PPP1R14C: variants seen among roughly 807,000 people sequenced by gnomAD.
PPP1R14C encodes the protein protein phosphatase 1 regulatory subunit 14C.
A neutral mutation model predicts 20.4 loss-of-function variants in PPP1R14C; 16 were observed. That is an observed-to-expected ratio of 0.78 (90% CI 0.53 to 1.19). The LOEUF is 1.19. Among genes scored for constraint, PPP1R14C ranks in the 50% most tolerant of loss-of-function variants. The pLI, the probability that PPP1R14C is intolerant of heterozygous loss-of-function variation, is 0.00. For missense variants in PPP1R14C, 211 were observed against 220.1 expected (o/e 0.96, Z 0.26); for synonymous variants, 91 against 91.0 (o/e 1.00, Z 0.00).
chr6:150,188,017 A>T (rs990215177), intron 1 of PPP1R14C, among the ~76,000 whole-genome samples: 83 of 152,182 alleles, frequency 5.5e-4, no homozygotes, highest in African/African-American at 2.0e-3. Context: ...TTTCACTCAC[A>T]CAGAAGACTC....
chr6:150,235,238 AC>A (rs1778346732), intron 3 of PPP1R14C, among the ~76,000 whole-genome samples: 1 of 152,120 alleles, frequency 6.6e-6, no homozygotes, highest in African/African-American at 2.4e-5. Context: ...ATAGGTGCGC[AC>A]CACCACACCC....
intron 3 of PPP1R14C, among the ~76,000 whole-genome samples, chr6:150,237,362 C>G (rs1778374872): frequency 6.6e-6 from 1 of 152,116 alleles, no homozygotes; most frequent in African/African-American, 2.4e-5. Context: ...TGCCACCATG[C>G]CCTGCTAATT....
At chr6:150,212,712 G>C (rs998314964) in intron 1 of PPP1R14C, among the ~76,000 whole-genome samples, 1 of 152,208 alleles carries the variant, frequency 6.6e-6, no homozygotes, top group African/African-American at 2.4e-5. Flanking sequence ...ATATATGACA[G>C]TGGTCCCATA....
chr6:150,210,275 C>T (rs1276746043), intron 1 of PPP1R14C, among the ~76,000 whole-genome samples: 4 of 152,140 alleles, frequency 2.6e-5, no homozygotes, highest in Non-Finnish European at 5.9e-5. Flanking sequence ...CGGTGTGCTC[C>T]CGTCATTACT....
chr6:150,219,951 G>A (rs1778146845), intron 3 of PPP1R14C, among the ~76,000 whole-genome samples: 1 of 152,126 alleles, frequency 6.6e-6, no homozygotes. Context: ...TGCCTTCCGG[G>A]TTCAAGCGAT....
chr6:150,208,033 C>T (rs535616196), intron 1 of PPP1R14C, among the ~76,000 whole-genome samples: 3 of 152,240 alleles, frequency 2.0e-5, no homozygotes, highest in East Asian at 1.9e-4. Flanking sequence ...CACTTTATAA[C>T]AACCAGCGCC....
At chr6:150,153,079 G>A (rs931390839) in intron 1 of PPP1R14C, among the ~76,000 whole-genome samples, 1 of 152,212 alleles carries the variant, frequency 6.6e-6, no homozygotes, top group South Asian at 2.1e-4. Flanking sequence ...ACCAGGAGGA[G>A]GATGCTGGCA....
chr6:150,195,910 G>C (rs1777798849), intron 1 of PPP1R14C: 1 of 985,290 alleles, frequency 1.0e-6, no homozygotes, highest in African/African-American at 1.7e-5. Flanking sequence ...GTCATGGGCA[G>C]TGATTGGCCT....
chr6:150,216,698 T>C, intron 2 of PPP1R14C, 126 bp from the exon 3 acceptor site: 1 of 685,510 alleles, frequency 1.5e-6, no homozygotes, highest in East Asian at 2.8e-5. Flanking sequence ...CGTTTCTAGA[T>C]AGTATGAAAT....
intron 3 of PPP1R14C, among the ~76,000 whole-genome samples, chr6:150,235,392 C>T (rs575702116): frequency 3.9e-5 from 6 of 152,290 alleles, no homozygotes; most frequent in East Asian, 1.9e-4. Flanking sequence ...ACCCAGCTGA[C>T]GGAAATGTGC....
intron 1 of PPP1R14C, among the ~76,000 whole-genome samples, chr6:150,211,225 T>C (rs142115722): frequency 6.6e-6 from 1 of 152,218 alleles, no homozygotes; most frequent in Non-Finnish European, 1.5e-5. Context: ...CGTCCCCCAG[T>C]GCCAGGGCCT....
chr6:150,216,689 G>A (rs1431672017), intron 2 of PPP1R14C, 135 bp from the exon 3 acceptor site: 21 of 652,232 alleles, frequency 3.2e-5, no homozygotes, highest in East Asian at 1.4e-4. Flanking sequence ...AATGAAGTGC[G>A]TTTCTAGATA....
At chr6:150,187,247 C>CTGTGTGTG (rs61153538) in intron 1 of PPP1R14C, among the ~76,000 whole-genome samples, 6,492 of 141,502 alleles carry the variant, frequency 0.046, 188 homozygotes, top group Non-Finnish European at 0.059. Flanking sequence ...TTCTCTTTCT[C>CTGTGTGTG]TGTGTGTGTG....
chr6:150,173,328 T>TGCTTAC (rs1445163794), intron 1 of PPP1R14C, among the ~76,000 whole-genome samples: 1 of 151,484 alleles, frequency 6.6e-6, no homozygotes, highest in Non-Finnish European at 1.5e-5. Context: ...TGGTCTCTTA[T>TGCTTAC]CCTTACCCTT....
At chr6:150,206,284 A>G (rs945604816) in intron 1 of PPP1R14C, among the ~76,000 whole-genome samples, 6 of 152,038 alleles carry the variant, frequency 3.9e-5, no homozygotes, top group Non-Finnish European at 8.8e-5. Flanking sequence ...CACTGTACGT[A>G]TTGTACTTAT....
At chr6:150,238,426 C>A (rs1288223428) in intron 3 of PPP1R14C, among the ~76,000 whole-genome samples, 2 of 152,236 alleles carry the variant, frequency 1.3e-5, no homozygotes, top group African/African-American at 4.8e-5. Flanking sequence ...CCTTCCAGAG[C>A]AGTCATTTCC....
intron 1 of PPP1R14C, among the ~76,000 whole-genome samples, chr6:150,159,597 G>C (rs1488480762): frequency 6.8e-6 from 1 of 146,942 alleles, no homozygotes; most frequent in Non-Finnish European, 1.5e-5. Flanking sequence ...CAGTCCCTTC[G>C]TCTGTCTCTG....
intron 3 of PPP1R14C, among the ~76,000 whole-genome samples, chr6:150,245,681 T>C (rs1243402445): frequency 6.6e-6 from 1 of 152,182 alleles, no homozygotes; most frequent in Non-Finnish European, 1.5e-5. Context: ...ATTTTAGGAG[T>C]AAATGAGATA....
intron 3 of PPP1R14C, among the ~76,000 whole-genome samples, chr6:150,217,844 T>C (rs1778114415): frequency 2.6e-5 from 4 of 152,290 alleles, no homozygotes; most frequent in Middle Eastern, 3.4e-3. Context: ...AGAGGTCTAA[T>C]TAAAAGGGGG....
Sources: gnomAD v4.1 joint callset for allele counts (sites outside exome capture counted in the v4.1 genomes callset) on GRCh38, gnomAD v4.1.1 for gene constraint, MANE v1.5 for transcripts, NCBI Gene and HGNC (gene_info 2026-07-23, HGNC 2026-07-21) for gene names.